FCRL2: variants seen among roughly 807,000 people sequenced by gnomAD.
FCRL2 encodes the protein Fc receptor like 2.
In FCRL2, 48 loss-of-function variants were observed where a neutral mutation model predicts 59.8. The observed-to-expected ratio is 0.80, with a 90% CI of 0.64 to 1.02. The LOEUF (loss-of-function observed/expected upper bound fraction) is 1.02. Ranked by LOEUF, FCRL2 falls within the 50% of genes least tolerant of loss-of-function variation. The probability of loss-of-function intolerance (pLI) is 0.00; values close to 1 mark genes in which losing one functional copy is unlikely to be tolerated. For synonymous variants in FCRL2, 251 were observed against 229.5 expected (o/e 1.09, Z -0.85); for missense variants, 658 against 597.3 (o/e 1.10, Z -1.06).
chr1:157,772,147 G>A (rs1015853959), intron 2 of FCRL2, among the ~76,000 whole-genome samples: 1 of 150,250 alleles, frequency 6.7e-6, no homozygotes, highest in Non-Finnish European at 1.5e-5. Context: ...AAACGCCACC[G>A]TGGGACTCGG....
At chr1:157,757,816 G>T (rs1212623581) in intron 7 of FCRL2, among the ~76,000 whole-genome samples, 4 of 152,180 alleles carry the variant, frequency 2.6e-5, no homozygotes, top group Non-Finnish European at 5.9e-5. Context: ...CAAAAAATTA[G>T]CCAGGCGTGG....
At chr1:157,755,744 T>C (rs939714775) in intron 7 of FCRL2, among the ~76,000 whole-genome samples, 16 of 152,198 alleles carry the variant, frequency 1.1e-4, no homozygotes, top group Non-Finnish European at 2.4e-4. Flanking sequence ...ATAATATTCA[T>C]AGAAAAGTGA....
At position 157,770,547 on chromosome 1, in the gene FCRL2, A is replaced by T. The variant is rs1476797884; in HGVS notation, c.172T>A (p.Leu58Ile). The T allele has an allele frequency of 6.2e-7, 1 of 1,613,968 alleles. No homozygotes were observed. The highest frequency in any genetic ancestry group is 8.5e-7 in the Non-Finnish European group (1 of 1,180,008). Reference sequence around the variant, plus strand: ...TCTGAGAATTTTTTGAAAACAGATAACTCTTTGTTATCCTTATGGTAAGCC... The same window carrying T: ...TCTGAGAATTTTTTGAAAACAGATATCTCTTTGTTATCCTTATGGTAAGCC... ...KMAYHKDNKE[L>I]SVFKKFSDFL... The change falls in exon 3 of 12, where the codon TTA (leucine) becomes ATA (isoleucine). Residue 58 changes from leucine (L) to isoleucine (I), a missense_variant. Leu to Ile is a conservative substitution (Grantham distance 5). Coordinates refer to ENST00000361516, the MANE Select transcript of FCRL2 (RefSeq NM_030764.4).
chr1:157,753,098 T>C (rs1197850775), intron 7 of FCRL2, among the ~76,000 whole-genome samples: 1 of 152,198 alleles, frequency 6.6e-6, no homozygotes, highest in Non-Finnish European at 1.5e-5. Context: ...TAGATCTGAA[T>C]AGTATCAGAT....
At chr1:157,762,934 G>A (rs1649212035) in intron 7 of FCRL2, among the ~76,000 whole-genome samples, 1 of 152,184 alleles carries the variant, frequency 6.6e-6, no homozygotes. Flanking sequence ...TGTAAGAAAT[G>A]CTCAAGGGAG....
intron 7 of FCRL2, among the ~76,000 whole-genome samples, chr1:157,761,114 GT>G (rs1261341660): frequency 6.6e-6 from 1 of 152,190 alleles, no homozygotes; most frequent in Non-Finnish European, 1.5e-5. Flanking sequence ...TGTGCCCCAT[GT>G]TTGTCCTGTA....
rs1296333540 is a variant in FCRL2, at chr1:157,746,182, C to T, written c.*554G>A. 6.5e-6 allele frequency: 1 copy of T among 153,438 alleles called. No individual in the cohort carries two copies. The highest frequency in any genetic ancestry group is 6.5e-5 in the Admixed American group (1 of 15,448). 9.5% of individuals were successfully genotyped at this position (153,438 alleles called of 1,614,324 possible). On this transcript the variant is annotated 3_prime_UTR_variant, in exon 12 of 12. Coordinates refer to ENST00000361516, the MANE Select transcript of FCRL2 (RefSeq NM_030764.4). ...TGCAGAAAGAATAACTGGTACCAAT[C>T]CTGCTGAAACTATGCCAAAAAATCA...
chr1:157,768,142 G>A, intron 5 of FCRL2: 1 of 389,874 alleles, frequency 2.6e-6, no homozygotes. Flanking sequence ...CTGGCCCAGA[G>A]CCCAAAGGTT....
chr1:157,761,696 G>C (rs770724093), intron 7 of FCRL2, among the ~76,000 whole-genome samples: 2 of 152,220 alleles, frequency 1.3e-5, no homozygotes, highest in Non-Finnish European at 2.9e-5. Flanking sequence ...CAATAATTGG[G>C]TCACTGGTAA....
chr1:157,760,703 G>GAAAGAAAT (rs56194773), intron 7 of FCRL2, among the ~76,000 whole-genome samples: 9,640 of 78,898 alleles, frequency 0.12, 502 homozygotes, highest in African/African-American at 0.16. Context: ...AAGAAGGAAA[G>GAAAGAAAT]AAAGAAAGAA....
At chr1:157,755,151 T>G (rs1172799130) in intron 7 of FCRL2, among the ~76,000 whole-genome samples, 1 of 152,146 alleles carries the variant, frequency 6.6e-6, no homozygotes, top group African/African-American at 2.4e-5. Context: ...AACTGCAGAC[T>G]GGGGACACTT....
intron 7 of FCRL2, among the ~76,000 whole-genome samples, chr1:157,762,599 C>T (rs536390644): frequency 6.6e-6 from 1 of 152,204 alleles, no homozygotes; most frequent in East Asian, 1.9e-4. Context: ...CTCTGAGATC[C>T]CCAAGCACAT....
chr1:157,758,567 A>G (rs572255260), intron 7 of FCRL2, among the ~76,000 whole-genome samples: 6 of 151,658 alleles, frequency 4.0e-5, no homozygotes, highest in African/African-American at 1.4e-4. Flanking sequence ...CTATTTACAG[A>G]TTCAAGGCTA....
intron 7 of FCRL2, among the ~76,000 whole-genome samples, chr1:157,765,597 T>C (rs1649431797): frequency 6.6e-6 from 1 of 152,226 alleles, no homozygotes; most frequent in Non-Finnish European, 1.5e-5. Context: ...AATCACTTGT[T>C]CCATGGAGCA....
intron 9 of FCRL2, 28 bp downstream of exon 9, chr1:157,748,847 C>A: frequency 6.2e-7 from 1 of 1,604,708 alleles, no homozygotes; most frequent in Non-Finnish European, 8.5e-7. Context: ...GACTCAGCCT[C>A]AGAGCCCTTC....
At chr1:157,747,176 TC>T (rs1647812400) in intron 10 of FCRL2, among the ~76,000 whole-genome samples, 3 of 152,234 alleles carry the variant, frequency 2.0e-5, no homozygotes. Flanking sequence ...CCTCTTGACT[TC>T]TCTGTTGCAG....
rs143741436 is a variant in FCRL2 at position 157,768,460 on chromosome 1, G to A, written c.837C>T (p.Asn279=). ...DAGKYYCRAD[N]GHVPIQSKVV... is the part of the protein sequence containing the mutation. ...CCTTGCTCTGGATAGGCACATGGCC[G>A]TTGTCAGCTCTACAGTAATATTTGC... The change falls in exon 5 of 12, where the codon AAC becomes AAT. Residue 279 remains asparagine (N), a synonymous_variant. Coordinates refer to ENST00000361516, the MANE Select transcript of FCRL2 (RefSeq NM_030764.4). 1.2e-3 allele frequency: 1,999 copies of A among 1,614,202 alleles called. 3 individuals carry two copies. The highest frequency in any genetic ancestry group is 1.6e-3 in the Non-Finnish European group (1,911 of 1,180,026).
intron 7 of FCRL2, among the ~76,000 whole-genome samples, chr1:157,757,120 T>TG (rs1648648307): frequency 6.6e-6 from 1 of 152,238 alleles, no homozygotes; most frequent in South Asian, 2.1e-4. Context: ...CACTTGCATT[T>TG]GGTTATGACC....
chr1:157,768,567 T>A lies in FCRL2; in HGVS notation c.730A>T (p.Thr244Ser). The A allele has an allele frequency of 6.2e-7, 1 of 1,614,232 alleles. No homozygotes were observed. Among genetic ancestry groups the A allele is most frequent in the Non-Finnish European group, 8.5e-7 (1 of 1,180,034 alleles). ...NVTFSWYREA[T>S]GTSMGKKTQR... ...GTTTTCTTTCCCATACTGGTTCCTG[T>A]GGCCTCTCTGTACCAGGAGAATGTG... Residue 244 changes from threonine to serine, a missense_variant, in exon 5 of 12, where the codon ACA becomes TCA. Thr to Ser is a moderately conservative substitution (Grantham distance 58). Transcript: ENST00000361516.
Sources: gnomAD v4.1 joint callset for allele counts (sites outside exome capture counted in the v4.1 genomes callset) on GRCh38, gnomAD v4.1.1 for gene constraint, MANE v1.5 for transcripts, NCBI Gene and HGNC (gene_info 2026-07-23, HGNC 2026-07-21) for gene names.